The following PRKN variants were observed in gnomAD, a reference collection of about 807,000 sequenced individuals.
PRKN encodes the protein parkin RBR E3 ubiquitin protein ligase, also known as E3 ubiquitin-protein ligase parkin.
PRKN carries 56 observed loss-of-function variants against 59.5 expected under a neutral mutation model. The ratio of observed to expected loss-of-function variants is 0.94; its 90% confidence interval spans 0.76 to 1.18. PRKN has a LOEUF of 1.18. Among genes scored for constraint, PRKN ranks in the 50% most tolerant of loss-of-function variants. The pLI, the probability that PRKN is intolerant of heterozygous loss-of-function variation, is 0.00. For missense variants in PRKN, 657 were observed against 596.4 expected (o/e 1.10, Z -1.06); for synonymous variants, 250 against 222.1 (o/e 1.13, Z -1.12).
chr6:162,490,236 G>C (rs1428015276), intron 1 of PRKN, among the ~76,000 whole-genome samples: 3 of 152,058 alleles, frequency 2.0e-5, no homozygotes, highest in Non-Finnish European at 4.4e-5. Flanking sequence ...ATTTGTCGGG[G>C]GGAAAAAGTG....
chr6:162,438,041 T>G (rs923740960), intron 2 of PRKN, among the ~76,000 whole-genome samples: 3 of 152,200 alleles, frequency 2.0e-5, no homozygotes, highest in Non-Finnish European at 4.4e-5. Context: ...ATATTCCCAG[T>G]AGCAATTTGC....
intron 4 of PRKN, among the ~76,000 whole-genome samples, chr6:162,145,982 C>T (rs1410441783): frequency 6.6e-6 from 1 of 152,200 alleles, no homozygotes; most frequent in Non-Finnish European, 1.5e-5. Flanking sequence ...TGCAAACGTA[C>T]TTTCAATTTC....
chr6:162,435,974 T>C (rs1789748859), intron 2 of PRKN, among the ~76,000 whole-genome samples: 1 of 151,986 alleles, frequency 6.6e-6, no homozygotes, highest in Non-Finnish European at 1.5e-5. Context: ...GATACTAGCC[T>C]CTTTCTGTTT....
At chr6:162,649,317 T>C (rs750526973) in intron 1 of PRKN, among the ~76,000 whole-genome samples, 5 of 152,178 alleles carry the variant, frequency 3.3e-5, no homozygotes, top group Non-Finnish European at 5.9e-5. Context: ...AATTGTTAGT[T>C]AAGGTAACCA....
intron 1 of PRKN, among the ~76,000 whole-genome samples, chr6:162,513,286 C>G (rs1453331297): frequency 6.6e-6 from 1 of 152,012 alleles, no homozygotes; most frequent in Non-Finnish European, 1.5e-5. Context: ...CTAGACCAGC[C>G]TGGCCAACAT....
chr6:162,268,643 T>G (rs1356090557), intron 2 of PRKN, among the ~76,000 whole-genome samples: 2 of 152,190 alleles, frequency 1.3e-5, no homozygotes, highest in African/African-American at 4.8e-5. Flanking sequence ...TTCCACTTTA[T>G]AGAAGACAAA....
intron 1 of PRKN, among the ~76,000 whole-genome samples, chr6:162,617,856 T>C (rs566667540): frequency 6.6e-6 from 1 of 152,178 alleles, no homozygotes; most frequent in East Asian, 1.9e-4. Flanking sequence ...TAAAGTTTAT[T>C]GAGCACTTAC....
Position 161,424,418 on chromosome 6 carries a change from T to A in PRKN, c.1084-37541A>T, listed in dbSNP as rs192188530. On this transcript the variant is annotated intron_variant, in intron 9 of 11. Transcript: ENST00000366898. Reference sequence around the variant, plus strand: ...TGGGCCAGCTCTGGATCACAAGTGGTTCATGGCTCCACAGAAGGGGCAAAG... The same window carrying A: ...TGGGCCAGCTCTGGATCACAAGTGGATCATGGCTCCACAGAAGGGGCAAAG... Among the ~76,000 whole-genome samples, 152 of 151,132 alleles carry A rather than the reference T, an allele frequency of 1.0e-3. 2 individuals carry two copies. The South Asian group carries it at 0.012, about 12-fold the overall frequency.
rs1562378324 is a variant in PRKN at position 161,902,523 on chromosome 6, C to CGTCTATCTATCTATCT, written c.734+70763_734+70778dup. 4.4e-5 allele frequency among the ~76,000 whole-genome samples: 5 copies of CGTCTATCTATCTATCT among 113,864 alleles called. No homozygotes were observed. In the East Asian group the frequency reaches 1.1e-3, roughly 25 times the overall value. The allele number at this position is 113,864 out of a possible 152,430, so 74.7% of individuals were successfully genotyped here. A position where few individuals can be genotyped will look rare whatever the true frequency, so the allele number is the denominator to read the frequency against. On this transcript the variant is annotated intron_variant, in intron 6 of 11. Transcript: ENST00000366898. ...TGTGTGTGTAAATGTAATAGACATCCGTCTATCTATCTATCTATCTATCTA... is the reference window on the plus strand; with the variant it reads ...TGTGTGTGTAAATGTAATAGACATCCGTCTATCTATCTATCTGTCTATCTATCTATCTATCTATCTA...
chr6:162,414,472 C>T (rs1210633982), intron 2 of PRKN, among the ~76,000 whole-genome samples: 2 of 151,634 alleles, frequency 1.3e-5, no homozygotes, highest in Non-Finnish European at 2.9e-5. Flanking sequence ...CTTTGGGAGG[C>T]CAAGGCGGCT....
At chr6:161,942,311 G>A (rs913673538) in intron 6 of PRKN, among the ~76,000 whole-genome samples, 94 of 152,132 alleles carry the variant, frequency 6.2e-4, no homozygotes, top group African/African-American at 2.2e-3. Flanking sequence ...CAGGTGGATC[G>A]CCTGAGATCA....
At chr6:161,756,135 A>C (rs1427020432) in intron 7 of PRKN, among the ~76,000 whole-genome samples, 2 of 152,166 alleles carry the variant, frequency 1.3e-5, no homozygotes, top group Admixed American at 1.3e-4. Flanking sequence ...CTATAACTAA[A>C]CATTGTATTT....
chr6:162,023,254 C>T (rs1783280809), intron 5 of PRKN, among the ~76,000 whole-genome samples: 1 of 152,094 alleles, frequency 6.6e-6, no homozygotes. Context: ...CCTACGGGCA[C>T]CTTGTGTTAA....
intron 5 of PRKN, among the ~76,000 whole-genome samples, chr6:162,023,644 G>A (rs965598765): frequency 2.0e-5 from 3 of 152,138 alleles, no homozygotes; most frequent in African/African-American, 7.2e-5. Flanking sequence ...CTGTGTGTCT[G>A]CCTGCTAGGG....
chr6:161,680,826 C>A (rs1785333932), intron 7 of PRKN, among the ~76,000 whole-genome samples: 1 of 138,256 alleles, frequency 7.2e-6, no homozygotes, highest in Non-Finnish European at 1.5e-5. Context: ...TACTAAGCAG[C>A]TTACTTGTGG....
chr6:162,616,756 A>G (rs1252263489), intron 1 of PRKN, among the ~76,000 whole-genome samples: 3 of 152,200 alleles, frequency 2.0e-5, no homozygotes, highest in South Asian at 4.1e-4. Context: ...ATACATCTTG[A>G]CATATACATT....
intron 6 of PRKN, among the ~76,000 whole-genome samples, chr6:161,833,103 A>G (rs1223680794): frequency 6.6e-6 from 1 of 152,168 alleles, no homozygotes; most frequent in Non-Finnish European, 1.5e-5. Context: ...ACTGTGTGCT[A>G]TGGAACAACC....
At chr6:162,710,995 C>T (rs181474351) in intron 1 of PRKN, among the ~76,000 whole-genome samples, 158 of 152,318 alleles carry the variant, frequency 1.0e-3, no homozygotes, top group African/African-American at 3.7e-3. Flanking sequence ...CCATATCCCC[C>T]ACTCCACTAC....
At chr6:161,764,724 T>C (rs1789351852) in intron 7 of PRKN, among the ~76,000 whole-genome samples, 1 of 152,250 alleles carries the variant, frequency 6.6e-6, no homozygotes, top group South Asian at 2.1e-4. Context: ...ACAATGTAGC[T>C]GTAGTCTCAG....
Sources: gnomAD v4.1 joint callset for allele counts (sites outside exome capture counted in the v4.1 genomes callset) on GRCh38, gnomAD v4.1.1 for gene constraint, MANE v1.5 for transcripts, NCBI Gene and HGNC (gene_info 2026-07-23, HGNC 2026-07-21) for gene names.